Variants in WDR19 observed in about 807,000 individuals in gnomAD.
WDR19 encodes the protein WD repeat domain 19, also known as WD repeat-containing protein 19.
In WDR19, 121 loss-of-function variants were observed where a neutral mutation model predicts 180.0. The ratio of observed to expected loss-of-function variants is 0.67; its 90% CI spans 0.58 to 0.78. The LOEUF is 0.78. Ranked by LOEUF, WDR19 falls within the 30% of genes least tolerant of loss-of-function variation. The pLI is 0.00. For missense variants in WDR19, 1,450 were observed against 1,640.7 expected, an observed-to-expected ratio of 0.88 and a Z score of 2.01; for synonymous variants, 497 against 540.7, an observed-to-expected ratio of 0.92 and a Z score of 1.12.
At chr4:39,275,677 C>T (rs1049496670) in intron 33 of WDR19, among the ~76,000 whole-genome samples, 1 of 152,180 alleles carries the variant, frequency 6.6e-6, no homozygotes, top group Non-Finnish European at 1.5e-5. Flanking sequence ...TCAGGACCTT[C>T]AATTTTCACC....
chr4:39,243,928 A>C (rs1231303969), intron 21 of WDR19, among the ~76,000 whole-genome samples: 1 of 152,208 alleles, frequency 6.6e-6, no homozygotes, highest in Admixed American at 6.5e-5. Context: ...AATTTTATTC[A>C]TAGCATTTAT....
At chr4:39,213,880 A>G (rs1229433880) in intron 9 of WDR19, among the ~76,000 whole-genome samples, 1 of 152,206 alleles carries the variant, frequency 6.6e-6, no homozygotes, top group Non-Finnish European at 1.5e-5. Context: ...ATCTCTCTAT[A>G]TTGCCTCTTA....
chr4:39,275,635 T>C (rs1242237381), intron 33 of WDR19, among the ~76,000 whole-genome samples: 1 of 152,128 alleles, frequency 6.6e-6, no homozygotes, highest in Non-Finnish European at 1.5e-5. Flanking sequence ...GTCAAAGGGA[T>C]CTTCGCCTTT....
At chr4:39,227,436 A>G (rs1730393794) in intron 15 of WDR19, among the ~76,000 whole-genome samples, 1 of 152,180 alleles carries the variant, frequency 6.6e-6, no homozygotes, top group Admixed American at 6.6e-5. Context: ...GATTCAGCCA[A>G]CTGTAGATCA....
At chr4:39,266,769 G>A (rs776800674) in intron 29 of WDR19, among the ~76,000 whole-genome samples, 4 of 152,164 alleles carry the variant, frequency 2.6e-5, no homozygotes, top group Non-Finnish European at 4.4e-5. Flanking sequence ...AAGCATAAAG[G>A]TAGTTCTCTA....
At chr4:39,269,012 G>A (rs1013010488) in intron 30 of WDR19, among the ~76,000 whole-genome samples, 16 of 152,102 alleles carry the variant, frequency 1.1e-4, no homozygotes, top group Non-Finnish European at 2.1e-4. Flanking sequence ...AGCAGGTGAC[G>A]AGGGGAGTGG....
intron 14 of WDR19, among the ~76,000 whole-genome samples, chr4:39,219,799 C>T (rs770086418): frequency 5.3e-5 from 8 of 152,212 alleles, no homozygotes; most frequent in Admixed American, 1.3e-4. Flanking sequence ...GCCACATGCA[C>T]ATAAACTAGT....
chr4:39,232,140 T>A (rs749259025), intron 18 of WDR19, 22 bp from the exon 19 acceptor site: 2 of 1,592,500 alleles, frequency 1.3e-6, no homozygotes, highest in Non-Finnish European at 1.7e-6. Flanking sequence ...TTTTTTCTCA[T>A]CAGAATTGCT....
intron 24 of WDR19, among the ~76,000 whole-genome samples, chr4:39,251,020 T>C (rs542615816): frequency 5.4e-4 from 82 of 152,124 alleles, no homozygotes; most frequent in Middle Eastern, 3.4e-3. Context: ...TTAAAGTTCA[T>C]ATGGAACCAA....
At chr4:39,217,916 C>A in intron 13 of WDR19, 67 bp from the exon 14 acceptor site, 2 of 1,572,034 alleles carry the variant, frequency 1.3e-6, no homozygotes, top group Non-Finnish European at 1.7e-6. Context: ...AAAAAGACAC[C>A]CCTAGATGTT....
intron 20 of WDR19, among the ~76,000 whole-genome samples, chr4:39,235,695 A>G (rs1327793265): frequency 6.6e-6 from 1 of 152,240 alleles, no homozygotes; most frequent in Non-Finnish European, 1.5e-5. Flanking sequence ...CAGAGCAAAC[A>G]CAACCAACAG....
chr4:39,257,652 T>G, intron 28 of WDR19, 98 bp downstream of exon 28: 1 of 1,032,556 alleles, frequency 9.7e-7, no homozygotes, highest in Admixed American at 2.2e-5. Context: ...CAAACAGTAT[T>G]ACAAACCCCT....
chr4:39,211,750 T>G (rs918217222), intron 9 of WDR19, among the ~76,000 whole-genome samples: 5 of 152,158 alleles, frequency 3.3e-5, no homozygotes, highest in African/African-American at 1.2e-4. Flanking sequence ...AAAATGCTGA[T>G]GAAAGAGATC....
At chr4:39,224,439 G>C (rs564835188) in intron 14 of WDR19, among the ~76,000 whole-genome samples, 1 of 151,988 alleles carries the variant, frequency 6.6e-6, no homozygotes, top group East Asian at 1.9e-4. Context: ...AGAGTGCAAT[G>C]GTGCAATCTC....
intron 5 of WDR19, among the ~76,000 whole-genome samples, chr4:39,197,425 CAAA>C (rs11343008): frequency 3.4e-4 from 39 of 113,268 alleles, no homozygotes; most frequent in African/African-American, 7.3e-4. Flanking sequence ...GACTCTATCT[CAAA>C]AAAAAAAAAA....
At position 39,284,645 on chromosome 4, in the gene WDR19, TA is replaced by T. The variant is rs144371093; in HGVS notation, c.*14-820del. ...CTGTGAACCACCATTCCTGGCTTTC[TA>T]AAAAAAAAAAAAAAAAAAAAATTCA... On this transcript the variant is annotated intron_variant, in intron 36 of 36. Coordinates refer to ENST00000399820, the MANE Select transcript of WDR19 (RefSeq NM_025132.4). Among the ~76,000 whole-genome samples the T allele has an allele frequency of 5.2e-3, 684 of 132,130 alleles. 6 individuals are homozygous for T. Among genetic ancestry groups the T allele is most frequent in the African/African-American group, 0.017 (607 of 36,592 alleles). The allele number at this position is 132,130 out of a possible 152,430, so 86.7% of individuals were successfully genotyped here. A position where few individuals can be genotyped will look rare whatever the true frequency, so the allele number is the denominator to read the frequency against.
At chr4:39,223,370 G>A (rs191794907) in intron 14 of WDR19, among the ~76,000 whole-genome samples, 284 of 152,114 alleles carry the variant, frequency 1.9e-3, no homozygotes, top group Non-Finnish European at 2.9e-3. Flanking sequence ...TCGCTCTGTC[G>A]CCCAGGCTGG....
At chr4:39,278,023 C>A in intron 34 of WDR19, 108 bp from the exon 35 acceptor site, 1 of 963,404 alleles carries the variant, frequency 1.0e-6, no homozygotes, top group Admixed American at 2.3e-5. Flanking sequence ...CACTGCACTC[C>A]AGCCTGGGTG....
At chr4:39,270,438 C>T (rs1244462346) in intron 31 of WDR19, among the ~76,000 whole-genome samples, 1 of 152,166 alleles carries the variant, frequency 6.6e-6, no homozygotes, top group Non-Finnish European at 1.5e-5. Context: ...TGCAGTGGCA[C>T]GTCCTCGGCT....
Sources: allele counts gnomAD v4.1 joint callset (sites outside exome capture counted in the v4.1 genomes callset), GRCh38; gene constraint gnomAD v4.1.1; transcripts MANE v1.5; gene names NCBI Gene and HGNC (gene_info 2026-07-23, HGNC 2026-07-21).